Variants in GLIS3 observed in about 807,000 individuals in gnomAD.
The protein encoded by GLIS3 is zinc finger protein GLIS3.
Under a neutral mutation model 78.6 loss-of-function variants are expected in GLIS3, and 53 were observed. That is an observed-to-expected ratio of 0.67 (90% CI 0.54 to 0.85). GLIS3 has a LOEUF of 0.85. Among genes scored for constraint, GLIS3 ranks in the 40% least tolerant of loss-of-function variants. GLIS3 has a pLI of 0.00. For synonymous variants in GLIS3, 684 were observed against 509.9 expected (o/e 1.34, Z -4.60); for missense variants, 1,703 against 1,231.1 (o/e 1.38, Z -5.74).
At chr9:4,193,946 G>A (rs1052318951) in intron 2 of GLIS3, among the ~76,000 whole-genome samples, 1 of 152,246 alleles carries the variant, frequency 6.6e-6, no homozygotes, top group Non-Finnish European at 1.5e-5. Flanking sequence ...ACAACCAGAT[G>A]TTGTGGTTCT....
At chr9:3,992,336 T>C (rs1820381409) in intron 4 of GLIS3, among the ~76,000 whole-genome samples, 1 of 151,246 alleles carries the variant, frequency 6.6e-6, no homozygotes, top group Admixed American at 6.6e-5. Flanking sequence ...TAAAAGGAAA[T>C]AATAAAAATG....
At chr9:4,378,314 A>T in the GLIS3 span, among the ~76,000 whole-genome samples, 1 of 152,054 alleles carries the variant, frequency 6.6e-6, no homozygotes, top group Non-Finnish European at 1.5e-5. Flanking sequence ...CTTTTTTAGT[A>T]TAAGTATATC....
chr9:4,401,484 G>A, the GLIS3 span, among the ~76,000 whole-genome samples: 6 of 151,380 alleles, frequency 4.0e-5, no homozygotes, highest in South Asian at 2.1e-4. Flanking sequence ...GGCTGGTCTC[G>A]AAATCTCAAC....
chr9:4,250,505 CTT>C (rs924007751), intron 2 of GLIS3, among the ~76,000 whole-genome samples: 4 of 151,850 alleles, frequency 2.6e-5, no homozygotes, highest in Non-Finnish European at 4.4e-5. Flanking sequence ...ATTATTCTCT[CTT>C]TTCTTATTAG....
At chr9:4,456,426 G>C in the GLIS3 span, among the ~76,000 whole-genome samples, 1 of 152,156 alleles carries the variant, frequency 6.6e-6, no homozygotes, top group East Asian at 1.9e-4. Context: ...ATGTTATTTG[G>C]CTTAGGGAGG....
At chr9:4,420,523 C>A in the GLIS3 span, among the ~76,000 whole-genome samples, 1 of 152,134 alleles carries the variant, frequency 6.6e-6, no homozygotes, top group African/African-American at 2.4e-5. Context: ...CCAATAAACT[C>A]GGGGGTAAGG....
intron 2 of GLIS3, among the ~76,000 whole-genome samples, chr9:4,218,074 A>T (rs540636145): frequency 2.6e-4 from 39 of 152,358 alleles, no homozygotes; most frequent in African/African-American, 8.9e-4. Flanking sequence ...CCTTATTCAC[A>T]AACCCAATCC....
At chr9:4,215,460 G>C (rs945839325) in intron 2 of GLIS3, among the ~76,000 whole-genome samples, 3 of 152,026 alleles carry the variant, frequency 2.0e-5, no homozygotes, top group African/African-American at 7.2e-5. Context: ...GATGCACAAA[G>C]CCTATCATTT....
rs770212930 is a variant in GLIS3 at position 4,118,504 on chromosome 9, G to A, written c.974C>T (p.Thr325Met). The A allele has an allele frequency of 3.2e-5, 52 of 1,614,116 alleles. No individual in the cohort carries two copies. The highest frequency in any genetic ancestry group is 6.7e-5 in the Admixed American group (4 of 60,018). Residue 325 changes from threonine to methionine, a missense_variant, in exon 4 of 11, where the codon ACG becomes ATG. By Grantham distance (81) the Thr-to-Met change is moderately conservative. Coordinates refer to ENST00000381971, the MANE Select transcript of GLIS3 (RefSeq NM_001042413.2). The surrounding 1 kb of genome is among the most constrained non-coding windows in gnomAD (Gnocchi z 4.7). ...DFNTIIRTSP[T>M]SLVAYINGSR... ...CCCGTTGATGTAGGCCACCAAGGAC[G>A]TGGGCGACGTGCGGATGATGGTATT...
At chr9:4,314,232 G>A (rs1356650457) in intron 2 of GLIS3, among the ~76,000 whole-genome samples, 1 of 152,208 alleles carries the variant, frequency 6.6e-6, no homozygotes, top group Non-Finnish European at 1.5e-5. Flanking sequence ...GCACTCAAAT[G>A]TGAGCTGGTG....
chr9:4,457,117 C>T, the GLIS3 span, among the ~76,000 whole-genome samples: 2 of 152,010 alleles, frequency 1.3e-5, no homozygotes, highest in African/African-American at 4.8e-5. Context: ...AATCTCAGAG[C>T]TTTGGGAGGC....
chr9:3,920,384 G>C (rs140165899), intron 6 of GLIS3, among the ~76,000 whole-genome samples: 100 of 152,234 alleles, frequency 6.6e-4, no homozygotes, highest in African/African-American at 2.3e-3. Flanking sequence ...CTGAGTTTGT[G>C]AGTGTTTTTG....
chr9:4,139,006 C>G (rs1833610854), intron 2 of GLIS3, among the ~76,000 whole-genome samples: 1 of 152,168 alleles, frequency 6.6e-6, no homozygotes, highest in African/African-American at 2.4e-5. Context: ...GGCAGGAAAC[C>G]AAGCTAGTAA....
intron 4 of GLIS3, among the ~76,000 whole-genome samples, chr9:3,991,548 A>G (rs962569122): frequency 6.6e-6 from 1 of 152,188 alleles, no homozygotes; most frequent in Non-Finnish European, 1.5e-5. Flanking sequence ...TTAATTTGCC[A>G]TACTTCACAT....
the GLIS3 span, among the ~76,000 whole-genome samples, chr9:4,398,517 G>A: frequency 6.6e-6 from 1 of 151,908 alleles, no homozygotes; most frequent in Non-Finnish European, 1.5e-5. Context: ...GGGGCCTGGA[G>A]AACATTGCCT....
chr9:4,311,019 C>T (rs1326131948), intron 2 of GLIS3, among the ~76,000 whole-genome samples: 1 of 152,184 alleles, frequency 6.6e-6, no homozygotes, highest in East Asian at 1.9e-4. Flanking sequence ...GGGCAGTGGG[C>T]AACTTCTAAG....
intron 4 of GLIS3, among the ~76,000 whole-genome samples, chr9:3,995,248 G>A (rs1187721383): frequency 3.9e-5 from 6 of 152,072 alleles, no homozygotes; most frequent in Non-Finnish European, 8.8e-5. Flanking sequence ...CTGAATTCAT[G>A]TTTCTCATGT....
At chr9:4,243,133 C>T (rs1823473509) in intron 2 of GLIS3, among the ~76,000 whole-genome samples, 1 of 152,150 alleles carries the variant, frequency 6.6e-6, no homozygotes, top group African/African-American at 2.4e-5. Flanking sequence ...TCTTGAGAAA[C>T]AACCCTAGGG....
chr9:4,453,472 A>G, the GLIS3 span, among the ~76,000 whole-genome samples: 1 of 152,074 alleles, frequency 6.6e-6, no homozygotes, highest in East Asian at 1.9e-4. Context: ...AAGAACTTAA[A>G]CAAATTTACA....
Sources: gnomAD v4.1 joint callset for allele counts (sites outside exome capture counted in the v4.1 genomes callset) on GRCh38, gnomAD v4.1.1 for gene constraint, Gnocchi (gnomAD v3.1) non-coding constraint, MANE v1.5 for transcripts, NCBI Gene and HGNC (gene_info 2026-07-23, HGNC 2026-07-21) for gene names.